The following CHODL variants were observed in gnomAD, a reference collection of about 807,000 sequenced individuals.
The protein encoded by CHODL is chondrolectin.
Under a neutral mutation model 34.5 loss-of-function variants are expected in CHODL, and 29 were observed. The observed-to-expected ratio is 0.84, with a 90% CI of 0.63 to 1.15. The LOEUF (loss-of-function observed/expected upper bound fraction) is 1.15. Ranked by LOEUF, CHODL falls within the 50% of genes most tolerant of loss-of-function variation. The pLI is 0.00. For synonymous variants in CHODL, 125 were observed against 116.1 expected (o/e 1.08, Z -0.49); for missense variants, 332 against 332.5 (o/e 1.00, Z 0.01).
At chr21:18,168,489 CATT>C (rs2073184982) in intron 2 of CHODL, among the ~76,000 whole-genome samples, 1 of 152,142 alleles carries the variant, frequency 6.6e-6, no homozygotes, top group Non-Finnish European at 1.5e-5. Flanking sequence ...AGTGGAATCT[CATT>C]GTGGTTTTGA....
upstream of CHODL, among the ~76,000 whole-genome samples, chr21:18,242,845 CT>C (rs2074094977): frequency 6.6e-6 from 1 of 152,136 alleles, no homozygotes; most frequent in Non-Finnish European, 1.5e-5. Context: ...CATGAAGATC[CT>C]TCCTGACAAA....
At chr21:18,042,716 T>C (rs976899949) in intron 2 of CHODL, among the ~76,000 whole-genome samples, 1 of 151,966 alleles carries the variant, frequency 6.6e-6, no homozygotes, top group Non-Finnish European at 1.5e-5. Flanking sequence ...TCAGGTAAAA[T>C]ATTTTAAGAG....
chr21:18,053,160 G>A (rs73325269), intron 2 of CHODL, among the ~76,000 whole-genome samples: 1,930 of 151,926 alleles, frequency 0.013, 44 homozygotes, highest in African/African-American at 0.044. Context: ...AGGAGTTAAA[G>A]CAATTATGCC....
At chr21:18,132,388 C>T (rs1382255311) in intron 2 of CHODL, among the ~76,000 whole-genome samples, 2 of 152,108 alleles carry the variant, frequency 1.3e-5, no homozygotes, top group Admixed American at 1.3e-4. Context: ...TATGGGAAAA[C>T]ATAAGAAAAA....
intron 2 of CHODL, among the ~76,000 whole-genome samples, chr21:18,054,960 C>T (rs940067048): frequency 2.0e-5 from 3 of 152,012 alleles, no homozygotes; most frequent in East Asian, 1.9e-4. Context: ...TGACCATACT[C>T]CCAAGTAGGT....
At chr21:18,044,809 T>A (rs2064421677) in intron 2 of CHODL, among the ~76,000 whole-genome samples, 1 of 151,940 alleles carries the variant, frequency 6.6e-6, no homozygotes, top group South Asian at 2.1e-4. Flanking sequence ...AAGTTTACTC[T>A]TCAGATGGCT....
intron 2 of CHODL, among the ~76,000 whole-genome samples, chr21:18,187,378 G>A (rs1170395362): frequency 1.3e-5 from 2 of 151,992 alleles, no homozygotes; most frequent in East Asian, 3.9e-4. Context: ...TTAATATTCA[G>A]CTCAAGCACT....
intron 2 of CHODL, among the ~76,000 whole-genome samples, chr21:18,129,069 C>T (rs1342352037): frequency 6.6e-6 from 1 of 151,382 alleles, no homozygotes; most frequent in Admixed American, 6.6e-5. Flanking sequence ...TTTTAAAAAC[C>T]TATTTTATAT....
intron 1 of CHODL, among the ~76,000 whole-genome samples, chr21:17,921,613 C>G (rs113523811): frequency 2.3e-4 from 35 of 152,352 alleles, no homozygotes; most frequent in African/African-American, 7.7e-4. Flanking sequence ...CCACCTTTGT[C>G]TCTCATTGAA....
chr21:17,976,884 TCC>T (rs1438243529), intron 1 of CHODL, among the ~76,000 whole-genome samples: 18 of 152,306 alleles, frequency 1.2e-4, no homozygotes, highest in African/African-American at 4.1e-4. Context: ...GTGACATCAG[TCC>T]TGATTTCTAT....
intron 1 of CHODL, among the ~76,000 whole-genome samples, chr21:17,963,970 T>C (rs2052273355): frequency 6.6e-6 from 1 of 152,102 alleles, no homozygotes; most frequent in African/African-American, 2.4e-5. Context: ...TAGAAACAAC[T>C]TGCCAAAAAA....
intron 1 of CHODL, among the ~76,000 whole-genome samples, chr21:18,002,973 A>T (rs538979255): frequency 2.1e-3 from 320 of 152,154 alleles, no homozygotes; most frequent in Non-Finnish European, 3.3e-3. Flanking sequence ...AATACAAAAA[A>T]TTAGCCGGGC....
At chr21:18,004,963 C>T (rs892886520) in intron 1 of CHODL, among the ~76,000 whole-genome samples, 1 of 152,164 alleles carries the variant, frequency 6.6e-6, no homozygotes, top group Non-Finnish European at 1.5e-5. Flanking sequence ...GTGTGGTATG[C>T]TTATTAGTTG....
At chr21:17,919,701 C>T (rs747666632) in intron 1 of CHODL, among the ~76,000 whole-genome samples, 1 of 152,226 alleles carries the variant, frequency 6.6e-6, no homozygotes, top group African/African-American at 2.4e-5. Flanking sequence ...CAAATTTATG[C>T]AGCCAGCTTG....
At chr21:18,088,277 G>T (rs1210313555) in intron 2 of CHODL, among the ~76,000 whole-genome samples, 3 of 152,138 alleles carry the variant, frequency 2.0e-5, no homozygotes, top group Non-Finnish European at 4.4e-5. Context: ...AGTCTCAACA[G>T]CAGCTCATAT....
chr21:18,080,535 A>T (rs750754858), intron 2 of CHODL, among the ~76,000 whole-genome samples: 1 of 152,078 alleles, frequency 6.6e-6, no homozygotes, highest in Non-Finnish European at 1.5e-5. Context: ...GTTCAAGTTT[A>T]TTCTTCTGCA....
intron 1 of CHODL, among the ~76,000 whole-genome samples, chr21:18,005,052 A>T (rs1376579690): frequency 6.6e-6 from 1 of 152,186 alleles, no homozygotes; most frequent in Admixed American, 6.5e-5. Context: ...CATTTTACAG[A>T]TAGAGAATAT....
intron 1 of CHODL, among the ~76,000 whole-genome samples, chr21:18,005,870 A>C (rs1255908232): frequency 6.6e-6 from 1 of 152,124 alleles, no homozygotes; most frequent in African/African-American, 2.4e-5. Flanking sequence ...TAGCTAATGG[A>C]TGCTGGGTGA....
chr21:17,962,713 A>G (rs372836644), intron 1 of CHODL, among the ~76,000 whole-genome samples: 32 of 152,350 alleles, frequency 2.1e-4, no homozygotes, highest in African/African-American at 7.7e-4. Flanking sequence ...GAGAAAATAA[A>G]TTACATTATC....
Sources: gnomAD v4.1 joint callset for allele counts (sites outside exome capture counted in the v4.1 genomes callset) on GRCh38, gnomAD v4.1.1 for gene constraint, MANE v1.5 for transcripts, NCBI Gene and HGNC (gene_info 2026-07-23, HGNC 2026-07-21) for gene names.